Variants in LINGO2 observed in about 807,000 individuals in gnomAD.
The protein encoded by LINGO2 is leucine rich repeat and Ig domain containing 2.
A neutral mutation model predicts 30.6 loss-of-function variants in LINGO2; 14 were observed. That is an observed-to-expected ratio of 0.46 (90% CI 0.30 to 0.72). The LOEUF is 0.72. Ranked by LOEUF, LINGO2 falls within the 30% of genes least tolerant of loss-of-function variation. LINGO2 has a pLI of 0.07. For synonymous variants in LINGO2, 317 were observed against 288.5 expected (o/e 1.10, Z -1.00); for missense variants, 729 against 751.7 (o/e 0.97, Z 0.35).
At chr9:27,948,610 G>T in exon 6 of LINGO2, 1 of 444,148 alleles carries the variant, frequency 2.3e-6, no homozygotes, top group Non-Finnish European at 4.0e-6. Flanking sequence ...GAGATCCCCA[G>T]AACGCCAATA....
chr9:28,015,999 A>T (rs1254375251), intron 4 of LINGO2, among the ~76,000 whole-genome samples: 3 of 1,616 alleles, frequency 1.9e-3, no homozygotes, highest in African/African-American at 3.4e-3. Flanking sequence ...TAAAAGGGAC[A>T]AAAAAAAAAA....
intron 5 of LINGO2, among the ~76,000 whole-genome samples, chr9:28,002,413 T>C (rs542114302): frequency 8.7e-4 from 133 of 152,276 alleles, no homozygotes; most frequent in African/African-American, 3.1e-3. Context: ...TTTATTTATT[T>C]TTCTATTGTT....
downstream of LINGO2, among the ~76,000 whole-genome samples, chr9:27,945,821 A>T (rs901291173): frequency 4.6e-5 from 7 of 152,154 alleles, no homozygotes; most frequent in Non-Finnish European, 8.8e-5. Context: ...CTGCTCAGAT[A>T]GTGAGAGTGT....
At chr9:28,744,609 C>CTTGT in the LINGO2 span, among the ~76,000 whole-genome samples, 426 of 133,974 alleles carry the variant, frequency 3.2e-3, 6 homozygotes, top group African/African-American at 0.011. Context: ...ATATTCCCCT[C>CTTGT]GTGTGTGTGT....
At chr9:28,740,699 TA>T in the LINGO2 span, among the ~76,000 whole-genome samples, 9 of 152,038 alleles carry the variant, frequency 5.9e-5, no homozygotes, top group Admixed American at 1.3e-4. Context: ...AAATTGTATA[TA>T]TTTTTTATTC....
chr9:28,137,776 T>A (rs1355511074), intron 4 of LINGO2, among the ~76,000 whole-genome samples: 2 of 152,138 alleles, frequency 1.3e-5, no homozygotes, highest in Non-Finnish European at 2.9e-5. Context: ...AATCAAACTT[T>A]TTATAATAAA....
At chr9:28,519,338 C>T (rs1476412566) in intron 1 of LINGO2, among the ~76,000 whole-genome samples, 1 of 152,032 alleles carries the variant, frequency 6.6e-6, no homozygotes, top group Non-Finnish European at 1.5e-5. Context: ...CTTGGTCACA[C>T]AAGATCTTGT....
intron 1 of LINGO2, among the ~76,000 whole-genome samples, chr9:28,561,104 G>A (rs1823032436): frequency 6.6e-6 from 1 of 151,944 alleles, no homozygotes; most frequent in African/African-American, 2.4e-5. Context: ...AAAGAAGGAG[G>A]GAGGAGTACA....
chr9:28,331,659 C>T (rs1278141058), intron 3 of LINGO2, among the ~76,000 whole-genome samples: 3 of 152,200 alleles, frequency 2.0e-5, no homozygotes. Flanking sequence ...GCACACGCCA[C>T]CATGCCTGGC....
chr9:28,228,979 G>T (rs1269343366), intron 4 of LINGO2, among the ~76,000 whole-genome samples: 1 of 151,512 alleles, frequency 6.6e-6, no homozygotes, highest in Admixed American at 6.6e-5. Flanking sequence ...AGAATGCCAG[G>T]TTGTACTCAT....
Position 28,299,172 on chromosome 9 carries a change from C to T in LINGO2, c.-245-3806G>A, listed in dbSNP as rs1230810362. On this transcript the variant is annotated intron_variant, in intron 3 of 5. Transcript: ENST00000379992. Reference sequence around the variant, plus strand: ...GTTGCATAACCCTCTAGGTGGCCAACAGAACTATAAGAGTACTCAGCATTC... The same window carrying T: ...GTTGCATAACCCTCTAGGTGGCCAATAGAACTATAAGAGTACTCAGCATTC... 3.9e-5 allele frequency among the ~76,000 whole-genome samples: 6 copies of T among 152,222 alleles called. No individual in the cohort carries two copies. In the East Asian group the frequency reaches 1.2e-3, roughly 29 times the overall value.
chr9:28,140,593 G>A (rs770927297), intron 4 of LINGO2, among the ~76,000 whole-genome samples: 3 of 152,104 alleles, frequency 2.0e-5, no homozygotes, highest in Non-Finnish European at 4.4e-5. Flanking sequence ...ATCTTCATCT[G>A]GCAAATTCCT....
chr9:29,001,672 T>C, the LINGO2 span, among the ~76,000 whole-genome samples: 1 of 152,026 alleles, frequency 6.6e-6, no homozygotes, highest in East Asian at 1.9e-4. Flanking sequence ...TATTTATACA[T>C]ACATTACCTT....
chr9:28,485,811 G>A (rs1826145369), intron 1 of LINGO2, among the ~76,000 whole-genome samples: 1 of 152,028 alleles, frequency 6.6e-6, no homozygotes, highest in Non-Finnish European at 1.5e-5. Flanking sequence ...GTGCAGCCCT[G>A]TAACTATTAG....
At chr9:28,750,407 G>T in the LINGO2 span, among the ~76,000 whole-genome samples, 1 of 152,018 alleles carries the variant, frequency 6.6e-6, no homozygotes, top group Non-Finnish European at 1.5e-5. Context: ...CTAGAATAAG[G>T]GAAGGAAAGG....
chr9:28,355,658 C>T (rs1382588060), intron 3 of LINGO2, among the ~76,000 whole-genome samples: 1 of 152,076 alleles, frequency 6.6e-6, no homozygotes, highest in East Asian at 1.9e-4. Context: ...TTCTCTGGAA[C>T]TTGGTTCTGC....
the LINGO2 span, among the ~76,000 whole-genome samples, chr9:29,203,529 A>G: frequency 2.0e-5 from 3 of 152,170 alleles, no homozygotes; most frequent in Non-Finnish European, 2.9e-5. Flanking sequence ...TGCTACCCCA[A>G]CTCTGACAAA....
At chr9:28,664,254 T>G (rs1316633307) in intron 1 of LINGO2, among the ~76,000 whole-genome samples, 1 of 152,086 alleles carries the variant, frequency 6.6e-6, no homozygotes, top group Non-Finnish European at 1.5e-5. Context: ...GACTTCTTCC[T>G]CAGCCCACAG....
At chr9:28,413,795 G>C (rs909875802) in intron 2 of LINGO2, among the ~76,000 whole-genome samples, 2 of 152,072 alleles carry the variant, frequency 1.3e-5, no homozygotes, top group African/African-American at 2.4e-5. Context: ...TGCTTTGTCT[G>C]TGTTATAAAT....
Sources: allele counts gnomAD v4.1 joint callset (sites outside exome capture counted in the v4.1 genomes callset), GRCh38; gene constraint gnomAD v4.1.1; transcripts MANE v1.5; gene names NCBI Gene and HGNC (gene_info 2026-07-23, HGNC 2026-07-21).